KCMF1: variants seen among roughly 807,000 people sequenced by gnomAD.
KCMF1 encodes the protein E3 ubiquitin-protein ligase KCMF1.
Under a neutral mutation model 41.1 loss-of-function variants are expected in KCMF1, and 3 were observed. The ratio of observed to expected loss-of-function variants is 0.07; its 90% confidence interval spans 0.03 to 0.19. The LOEUF (loss-of-function observed/expected upper bound fraction) is 0.19. Among genes scored for constraint, KCMF1 ranks in the 10% least tolerant of loss-of-function variants. KCMF1 has a pLI of 1.00. For missense variants in KCMF1, 286 were observed against 488.9 expected (o/e 0.58, Z 3.91); for synonymous variants, 142 against 164.5 (o/e 0.86, Z 1.04).
At chr2:84,987,044 A>G (rs1559126535) in intron 1 of KCMF1, among the ~76,000 whole-genome samples, 1 of 152,248 alleles carries the variant, frequency 6.6e-6, no homozygotes, top group Non-Finnish European at 1.5e-5. Flanking sequence ...GCCTTTGTCA[A>G]GATGAAATGG....
In KCMF1 at chr2:85,049,426, G is replaced by A; in HGVS notation, c.662G>A (p.Gly221Asp). ...GCAGGAGGACAGCTTAATTCCTCTGGCCCTTCCGCTTCTCAGTTACAACAA... is the reference window on the plus strand; with the variant it reads ...GCAGGAGGACAGCTTAATTCCTCTGACCCTTCCGCTTCTCAGTTACAACAA... ...RSAGGQLNSS[G>D]PSASQLQQLQ... Residue 221 changes from glycine (G) to aspartate (D), a missense_variant, in exon 6 of 7, where the codon GGC (glycine) becomes GAC (aspartate). Coordinates refer to ENST00000409785, the MANE Select transcript of KCMF1 (RefSeq NM_020122.5). 6.2e-7 allele frequency: 1 copy of A among 1,613,976 alleles called. No individual in the cohort carries two copies. The highest frequency in any genetic ancestry group is 8.5e-7 in the Non-Finnish European group (1 of 1,179,888).
At chr2:85,017,094 G>A (rs1382960609) in intron 1 of KCMF1, among the ~76,000 whole-genome samples, 1 of 142,882 alleles carries the variant, frequency 7.0e-6, no homozygotes, top group Non-Finnish European at 1.5e-5. Flanking sequence ...GCGCAATCTC[G>A]GCTCACTGCA....
intron 1 of KCMF1, among the ~76,000 whole-genome samples, chr2:84,976,758 G>A (rs554615732): frequency 6.6e-6 from 1 of 152,084 alleles, no homozygotes; most frequent in South Asian, 2.1e-4. Context: ...TGAGCAGGTG[G>A]TCATATTGTT....
intron 1 of KCMF1, among the ~76,000 whole-genome samples, chr2:85,025,522 C>G (rs1415736502): frequency 6.6e-6 from 1 of 152,142 alleles, no homozygotes; most frequent in Admixed American, 6.6e-5. Flanking sequence ...CGTAACTCCC[C>G]GTTCTCCCTT....
At chr2:85,003,139 G>A (rs1174824642) in intron 1 of KCMF1, among the ~76,000 whole-genome samples, 1 of 152,112 alleles carries the variant, frequency 6.6e-6, no homozygotes, top group African/African-American at 2.4e-5. Context: ...CACATGAATT[G>A]TTTTATCCAA....
intron 3 of KCMF1, among the ~76,000 whole-genome samples, chr2:85,042,439 C>CA (rs1675561284): frequency 6.6e-6 from 1 of 152,212 alleles, no homozygotes; most frequent in Non-Finnish European, 1.5e-5. Context: ...CACCTACTCC[C>CA]ACTGTGCTGG....
At chr2:84,996,355 A>G (rs908327670) in intron 1 of KCMF1, among the ~76,000 whole-genome samples, 1 of 152,034 alleles carries the variant, frequency 6.6e-6, no homozygotes, top group Non-Finnish European at 1.5e-5. Flanking sequence ...ATAAGCAAAC[A>G]TTTGAAAATA....
chr2:85,002,333 C>A (rs536170281), intron 1 of KCMF1, among the ~76,000 whole-genome samples: 2 of 152,174 alleles, frequency 1.3e-5, no homozygotes, highest in Admixed American at 1.3e-4. Context: ...TTGACCATAA[C>A]GCATGCATTG....
intron 1 of KCMF1, among the ~76,000 whole-genome samples, chr2:85,010,369 T>C (rs753669963): frequency 6.6e-6 from 1 of 152,184 alleles, no homozygotes; most frequent in Non-Finnish European, 1.5e-5. Flanking sequence ...CTTGGGTGGC[T>C]GAGGCATGAG....
At chr2:85,029,029 G>A (rs181304404) in intron 2 of KCMF1, among the ~76,000 whole-genome samples, 2 of 152,126 alleles carry the variant, frequency 1.3e-5, no homozygotes, top group African/African-American at 4.8e-5. Context: ...GAATGCAGTG[G>A]CCGGATTTCG....
At chr2:84,993,354 TCA>T (rs951769357) in intron 1 of KCMF1, among the ~76,000 whole-genome samples, 5 of 152,118 alleles carry the variant, frequency 3.3e-5, no homozygotes, top group Non-Finnish European at 5.9e-5. Flanking sequence ...ACTGAGTAGC[TCA>T]CAGAGTGTTG....
In KCMF1 at chr2:84,987,105, G is replaced by A. The variant is rs569756312; in HGVS notation, c.16+15638G>A. On this transcript the variant is annotated intron_variant, in intron 1 of 6. Transcript: ENST00000409785. ...AGATAAAGCACTGCATAAATGTAAG[G>A]TGATGGTATTTTTTATCACGGTAGA... Among the ~76,000 whole-genome samples the A allele has an allele frequency of 2.6e-5, 4 of 152,318 alleles. No individual in the cohort carries two copies. In the South Asian group the frequency reaches 6.2e-4, roughly 24 times the overall value.
chr2:84,997,851 A>G (rs372185289), intron 1 of KCMF1, among the ~76,000 whole-genome samples: 3 of 148,174 alleles, frequency 2.0e-5, no homozygotes, highest in Admixed American at 6.8e-5. Context: ...GCTCACTGCA[A>G]CGTCCGCCTC....
intron 1 of KCMF1, among the ~76,000 whole-genome samples, chr2:85,010,198 G>A (rs561437531): frequency 2.0e-5 from 3 of 152,240 alleles, no homozygotes; most frequent in African/African-American, 4.8e-5. Flanking sequence ...TTGGCCGGGC[G>A]TGGTGGCTCA....
intron 1 of KCMF1, among the ~76,000 whole-genome samples, chr2:84,972,828 T>C (rs979309194): frequency 3.3e-5 from 5 of 152,196 alleles, no homozygotes; most frequent in South Asian, 2.1e-4. Flanking sequence ...AAAACTAATA[T>C]GAAATATACT....
At chr2:85,001,151 A>C (rs951450005) in intron 1 of KCMF1, among the ~76,000 whole-genome samples, 17 of 149,900 alleles carry the variant, frequency 1.1e-4, no homozygotes, top group Non-Finnish European at 2.5e-4. Context: ...TTAATTAATT[A>C]ATTAATTAAT....
intron 1 of KCMF1, among the ~76,000 whole-genome samples, chr2:84,993,548 ATTATTTATTTATTTATTTAT>A (rs148006042): frequency 2.7e-5 from 4 of 145,930 alleles, no homozygotes; most frequent in South Asian, 4.4e-4. Context: ...CTCTACCCCC[ATTATTTATTTATTTATTTAT>A]TTATTTATTT....
At chr2:85,052,874 C>G (rs1352786015) in intron 6 of KCMF1, among the ~76,000 whole-genome samples, 1 of 152,134 alleles carries the variant, frequency 6.6e-6, no homozygotes, top group Non-Finnish European at 1.5e-5. Context: ...TTTCACCTAG[C>G]TTTCTCTGGA....
Position 85,000,365 on chromosome 2 carries a change from C to T in KCMF1, c.17-27524C>T, listed in dbSNP as rs141376113. On this transcript the variant is annotated intron_variant, in intron 1 of 6. Coordinates refer to ENST00000409785, the MANE Select transcript of KCMF1 (RefSeq NM_020122.5). Reference sequence around the variant, plus strand: ...GTCTCGATCTCCTGACCTCGTGATCCGCCCATCTCAACCTCCCAAAGTGCT... The same window carrying T: ...GTCTCGATCTCCTGACCTCGTGATCTGCCCATCTCAACCTCCCAAAGTGCT... Among the ~76,000 whole-genome samples the T allele has an allele frequency of 3.3e-4, 51 of 152,248 alleles. 2 individuals are homozygous for T. In the East Asian group the frequency reaches 7.1e-3, roughly 21 times the overall value.
Sources: allele counts gnomAD v4.1 joint callset (sites outside exome capture counted in the v4.1 genomes callset), GRCh38; gene constraint gnomAD v4.1.1; transcripts MANE v1.5; gene names NCBI Gene and HGNC (gene_info 2026-07-23, HGNC 2026-07-21).